The following TBC1D4 variants were observed in gnomAD, a reference collection of about 807,000 sequenced individuals.
TBC1D4 encodes TBC (Tre-2, BUB2, CDC16) domain-containing protein.
A neutral mutation model predicts 142.5 loss-of-function variants in TBC1D4; 121 were observed. The ratio of observed to expected loss-of-function variants is 0.85; its 90% confidence interval spans 0.73 to 0.99. The LOEUF is 0.99. Among genes scored for constraint, TBC1D4 ranks in the 50% least tolerant of loss-of-function variants. The pLI, the probability that TBC1D4 is intolerant of heterozygous loss-of-function variation, is 0.00. For synonymous variants in TBC1D4, 630 were observed against 628.2 expected (o/e 1.00, Z -0.04); for missense variants, 1,475 against 1,606.6 (o/e 0.92, Z 1.40).
At chr13:75,445,245 T>C (rs1321099089) in intron 1 of TBC1D4, among the ~76,000 whole-genome samples, 1 of 152,254 alleles carries the variant, frequency 6.6e-6, no homozygotes, top group Non-Finnish European at 1.5e-5. Context: ...GTATATACTG[T>C]ACATCACTCT....
rs867199242 is a variant in TBC1D4, at chr13:75,285,875, C to A, written c.*917G>T. The A allele has an allele frequency of 6.6e-6, 1 of 152,582 alleles. No homozygotes were observed. Among genetic ancestry groups the A allele is most frequent in the Admixed American group, 6.5e-5 (1 of 15,274 alleles). 9.5% of individuals were successfully genotyped at this position (152,582 alleles called of 1,614,324 possible). ...ACAATTTGGTGGGAAAGTGGCAAATCCTTGTCATTTGGTGACTGTGGCACC... is the reference window on the plus strand; with the variant it reads ...ACAATTTGGTGGGAAAGTGGCAAATACTTGTCATTTGGTGACTGTGGCACC... On this transcript the variant is annotated 3_prime_UTR_variant, in exon 21 of 21. Coordinates refer to ENST00000377636, the MANE Select transcript of TBC1D4 (RefSeq NM_014832.5).
chr13:75,451,850 G>A (rs1195614576), intron 1 of TBC1D4, among the ~76,000 whole-genome samples: 1 of 151,184 alleles, frequency 6.6e-6, no homozygotes, highest in African/African-American at 2.4e-5. Context: ...ATATTAAAAG[G>A]AGCATTTAAC....
At chr13:75,445,968 A>G (rs1187993998) in intron 1 of TBC1D4, among the ~76,000 whole-genome samples, 1 of 152,218 alleles carries the variant, frequency 6.6e-6, no homozygotes, top group East Asian at 1.9e-4. Flanking sequence ...TCTGAAAGAC[A>G]TCTTTTGAAA....
At chr13:75,392,834 T>C (rs547462631) in intron 1 of TBC1D4, among the ~76,000 whole-genome samples, 1 of 152,038 alleles carries the variant, frequency 6.6e-6, no homozygotes, top group East Asian at 1.9e-4. Flanking sequence ...AGAGATAGGG[T>C]CTCGATATAT....
chr13:75,449,092 CACTT>C (rs1249530690), intron 1 of TBC1D4, among the ~76,000 whole-genome samples: 2 of 151,920 alleles, frequency 1.3e-5, no homozygotes, highest in South Asian at 2.1e-4. Flanking sequence ...ATATCAATCA[CACTT>C]ACATTACCTA....
At chr13:75,471,232 T>C (rs944184120) in intron 1 of TBC1D4, among the ~76,000 whole-genome samples, 31 of 152,094 alleles carry the variant, frequency 2.0e-4, no homozygotes, top group Non-Finnish European at 3.7e-4. Context: ...AGATCCCTGA[T>C]GGAGGATTAG....
intron 1 of TBC1D4, among the ~76,000 whole-genome samples, chr13:75,393,057 C>A (rs1052839799): frequency 4.6e-5 from 7 of 150,996 alleles, no homozygotes; most frequent in African/African-American, 1.7e-4. Flanking sequence ...GCAGTCATTT[C>A]TTCTCTATGG....
At position 75,411,233 on chromosome 13, in the gene TBC1D4, T is replaced by C. The variant is rs138770812; in HGVS notation, c.499-48626A>G. Among the ~76,000 whole-genome samples, 630 of 152,198 alleles carry C rather than the reference T, an allele frequency of 4.1e-3. 4 individuals carry two copies. The highest frequency in any genetic ancestry group is 0.014 in the African/African-American group (596 of 41,518). The stretch of plus-strand genomic sequence containing the variant: ...ACTGATGAGAGTTAAATGAAATACA[T>C]AATAAAATCTTCCCCACCTTATGAT... On this transcript the variant is annotated intron_variant, in intron 1 of 20. Coordinates refer to ENST00000377636, the MANE Select transcript of TBC1D4 (RefSeq NM_014832.5).
intron 1 of TBC1D4, among the ~76,000 whole-genome samples, chr13:75,376,503 A>G (rs1883518841): frequency 6.6e-6 from 1 of 151,590 alleles, no homozygotes. Context: ...TCAGCCTTCT[A>G]AGTAGCTGGA....
At chr13:75,457,141 A>C (rs1369333276) in intron 1 of TBC1D4, among the ~76,000 whole-genome samples, 1 of 152,182 alleles carries the variant, frequency 6.6e-6, no homozygotes, top group African/African-American at 2.4e-5. Context: ...TATCAACTGG[A>C]AGAGGGTACA....
chr13:75,358,069 G>C (rs1016129536), intron 3 of TBC1D4, among the ~76,000 whole-genome samples: 9 of 152,058 alleles, frequency 5.9e-5, no homozygotes, highest in African/African-American at 2.2e-4. Context: ...AGGAGTGTGG[G>C]GTGGGAGGCA....
intron 15 of TBC1D4, among the ~76,000 whole-genome samples, chr13:75,303,201 C>T (rs564856047): frequency 2.9e-4 from 44 of 152,172 alleles, no homozygotes; most frequent in African/African-American, 1.0e-3. Flanking sequence ...CCTGTAATCT[C>T]AGCTACTCGC....
chr13:75,335,060 G>C (rs485988), intron 8 of TBC1D4, among the ~76,000 whole-genome samples: 1 of 151,856 alleles, frequency 6.6e-6, no homozygotes, highest in Non-Finnish European at 1.5e-5. Context: ...ACCCCAACAC[G>C]TGCACATCCT....
intron 1 of TBC1D4, among the ~76,000 whole-genome samples, chr13:75,477,948 C>A (rs1347635031): frequency 6.6e-6 from 1 of 152,202 alleles, no homozygotes; most frequent in African/African-American, 2.4e-5. Flanking sequence ...CTCCATTTCT[C>A]TTTGCACCTT....
rs763595626 is a variant in TBC1D4 at position 75,306,398 on chromosome 13, G to C, written c.2667C>G (p.Val889=). 2.0e-5 allele frequency: 33 copies of C among 1,613,256 alleles called. No homozygotes were observed. Among genetic ancestry groups the C allele is most frequent in the Non-Finnish European group, 2.5e-6 (3 of 1,179,860 alleles). The change falls in exon 15 of 21, where the codon GTC becomes GTG. Residue 889 remains valine, a synonymous_variant. Coordinates refer to ENST00000377636, the MANE Select transcript of TBC1D4 (RefSeq NM_014832.5). ...ACAACTTCTTATCCCAAGTTATTAA[G>C]ACCTCTTTCTGACATGCACCAACTT... ...YEEVGACQKE[V]LITWDKKLLN... is the part of the protein sequence containing the mutation.
intron 4 of TBC1D4, among the ~76,000 whole-genome samples, chr13:75,353,461 C>T (rs1161911551): frequency 6.6e-6 from 1 of 151,960 alleles, no homozygotes; most frequent in Admixed American, 6.6e-5. Context: ...TGACACAACA[C>T]GTAAAAGAGA....
rs189335125 is a variant in TBC1D4, at chr13:75,334,001, C to T, written c.1731+2920G>A. On this transcript the variant is annotated intron_variant, in intron 8 of 20. Coordinates refer to ENST00000377636, the MANE Select transcript of TBC1D4 (RefSeq NM_014832.5). ...GGTGGCACAGGGCTGCAATTTGTCC[C>T]ACTGCTGATGATGTTCAATTTGATC... is the stretch of plus-strand genomic sequence containing the variant. Among the ~76,000 whole-genome samples the T allele has an allele frequency of 1.1e-3, 160 of 152,268 alleles. 3 individuals are homozygous for T. Among genetic ancestry groups the T allele is most frequent in the African/African-American group, 3.8e-3 (156 of 41,544 alleles).
chr13:75,405,394 C>T (rs1330950911), intron 1 of TBC1D4, among the ~76,000 whole-genome samples: 2 of 151,768 alleles, frequency 1.3e-5, no homozygotes, highest in African/African-American at 4.8e-5. Flanking sequence ...CTCAGCCTCC[C>T]GAGTAGCTGG....
intron 5 of TBC1D4, among the ~76,000 whole-genome samples, chr13:75,343,718 G>A (rs564907621): frequency 7.2e-5 from 11 of 152,228 alleles, no homozygotes; most frequent in African/African-American, 9.6e-5. Context: ...GTTTCTCCAC[G>A]TTGGTCAGGC....
Sources: allele counts gnomAD v4.1 joint callset (sites outside exome capture counted in the v4.1 genomes callset), GRCh38; gene constraint gnomAD v4.1.1; transcripts MANE v1.5; gene names NCBI Gene and HGNC (gene_info 2026-07-23, HGNC 2026-07-21).